Variants in FRMPD2 observed in about 807,000 individuals in gnomAD.
The protein encoded by FRMPD2 is FERM and PDZ domain-containing protein 2.
Under a neutral mutation model 140.1 loss-of-function variants are expected in FRMPD2, and 96 were observed. The ratio of observed to expected loss-of-function variants is 0.69; its 90% confidence interval spans 0.58 to 0.81. The LOEUF is 0.81. FRMPD2 is among the 40% of genes least tolerant of loss of function. The pLI is 0.00. For synonymous variants in FRMPD2, 449 were observed against 547.6 expected, an observed-to-expected ratio of 0.82 and a Z score of 2.52; for missense variants, 1,240 against 1,447.4, an observed-to-expected ratio of 0.86 and a Z score of 2.32.
chr10:48,251,691 C>T lies in FRMPD2; in HGVS notation c.26G>A (p.Gly9Asp), dbSNP rs1466665166. The change falls in exon 2 of 29, where the codon GGC (glycine) becomes GAC (aspartate). Residue 9 changes from glycine to aspartate, a missense_variant and splice_region_variant. This residue lies in a region of FRMPD2 where 1,161 missense variants were observed against 1,055.9 expected (regional missense o/e 1.10). Coordinates refer to ENST00000374201, the MANE Select transcript of FRMPD2 (RefSeq NM_001018071.4). MQPLTKDA[G>D]MSLSSVTLAS... ...CAGCGTCACAGAGGACAGGCTCATG[C>T]CTACAATAAAGACATGCATGTGACA... 1.9e-6 allele frequency: 3 copies of T among 1,614,040 alleles called. No homozygotes were observed. Among genetic ancestry groups the T allele is most frequent in the East Asian group, 4.5e-5 (2 of 44,896 alleles).
intron 9 of FRMPD2, among the ~76,000 whole-genome samples, chr10:48,233,553 C>T (rs74759569): frequency 0.014 from 2,146 of 152,232 alleles, 48 homozygotes; most frequent in African/African-American, 0.047. Flanking sequence ...AGTGATGAAT[C>T]GTATGCCCAT....
At chr10:48,227,235 G>GT (rs1325702441) in intron 10 of FRMPD2, among the ~76,000 whole-genome samples, 1 of 151,052 alleles carries the variant, frequency 6.6e-6, no homozygotes, top group Non-Finnish European at 1.5e-5. Context: ...CTTTTTTTTT[G>GT]TTTTTTAATC....
chr10:48,268,354 T>C (rs1348184789), intron 1 of FRMPD2, among the ~76,000 whole-genome samples: 1 of 152,192 alleles, frequency 6.6e-6, no homozygotes, highest in Non-Finnish European at 1.5e-5. Flanking sequence ...AAACTAAACA[T>C]ACTCTTACTA....
intron 13 of FRMPD2, among the ~76,000 whole-genome samples, chr10:48,209,086 G>A (rs1039713975): frequency 6.6e-5 from 10 of 152,156 alleles, no homozygotes; most frequent in African/African-American, 2.2e-4. Context: ...GCTCCTGGCA[G>A]TAAACGATTT....
chr10:48,196,088 T>C (rs986277716), intron 15 of FRMPD2, among the ~76,000 whole-genome samples: 1 of 151,324 alleles, frequency 6.6e-6, no homozygotes, highest in Non-Finnish European at 1.5e-5. Flanking sequence ...AGGAAGGAGT[T>C]AGGAACGTGC....
chr10:48,274,726 A>G, upstream of FRMPD2: 1 of 677,424 alleles, frequency 1.5e-6, no homozygotes, highest in Non-Finnish European at 2.7e-6. Flanking sequence ...CTGCCCAGCG[A>G]GTGAGTCAAC....
At chr10:48,261,311 T>C (rs1207446515) in intron 1 of FRMPD2, among the ~76,000 whole-genome samples, 1 of 149,938 alleles carries the variant, frequency 6.7e-6, no homozygotes, top group East Asian at 2.0e-4. Context: ...TCAAGCAAGA[T>C]AAATAAAAAA....
At chr10:48,196,351 C>T (rs1038051853) in intron 15 of FRMPD2, among the ~76,000 whole-genome samples, 6 of 152,158 alleles carry the variant, frequency 3.9e-5, no homozygotes, top group African/African-American at 1.2e-4. Flanking sequence ...AGGATTGGTC[C>T]TTTTGAAAGG....
chr10:48,248,677 G>C (rs775769004), intron 3 of FRMPD2: 22 of 164,802 alleles, frequency 1.3e-4, no homozygotes, highest in South Asian at 2.0e-4. Context: ...GTCATTTTGA[G>C]GTGTCTTGCT....
At chr10:48,208,615 T>C (rs1269564673) in intron 13 of FRMPD2, among the ~76,000 whole-genome samples, 1 of 152,224 alleles carries the variant, frequency 6.6e-6, no homozygotes, top group Non-Finnish European at 1.5e-5. Flanking sequence ...CCTGGAAACA[T>C]AGGTGAATAC....
At position 48,206,935 on chromosome 10, in the gene FRMPD2, T is replaced by C; in HGVS notation, c.1612-2A>G. The C allele has an allele frequency of 6.2e-7, 1 of 1,613,226 alleles. No homozygotes were observed. Among genetic ancestry groups the C allele is most frequent in the South Asian group, 1.1e-5 (1 of 91,004 alleles). Reference sequence around the variant, plus strand: ...GTATTCTGGGAGCTGCTGAGTGACCTGGAGCAGAAAAAGGCTGATTTAGAA... The same window carrying C: ...GTATTCTGGGAGCTGCTGAGTGACCCGGAGCAGAAAAAGGCTGATTTAGAA... On this transcript the variant is annotated splice_acceptor_variant, in intron 13 of 28. Coordinates refer to ENST00000374201, the MANE Select transcript of FRMPD2 (RefSeq NM_001018071.4). LOFTEE classifies it high-confidence loss of function.
chr10:48,267,156 C>A (rs943765872), intron 1 of FRMPD2, among the ~76,000 whole-genome samples: 1 of 152,112 alleles, frequency 6.6e-6, no homozygotes, highest in Non-Finnish European at 1.5e-5. Flanking sequence ...TGGATTCAGT[C>A]GCTATTGCTC....
chr10:48,161,379 T>C (rs1244335134), intron 28 of FRMPD2, among the ~76,000 whole-genome samples: 1 of 150,898 alleles, frequency 6.6e-6, no homozygotes, highest in African/African-American at 2.5e-5. Context: ...AATGTGATGT[T>C]TGATGCAAAA....
intron 1 of FRMPD2, among the ~76,000 whole-genome samples, chr10:48,253,919 C>G (rs955797735): frequency 3.3e-5 from 5 of 152,052 alleles, no homozygotes; most frequent in South Asian, 2.1e-4. Flanking sequence ...AATCAAGCAC[C>G]CTTCTTTTTG....
At chr10:48,222,063 T>G (rs1043279055) in intron 12 of FRMPD2, among the ~76,000 whole-genome samples, 2 of 151,110 alleles carry the variant, frequency 1.3e-5, no homozygotes, top group African/African-American at 4.9e-5. Flanking sequence ...GGTGGATGGA[T>G]GGATGGATGG....
At chr10:48,210,220 T>C (rs575206544) in intron 13 of FRMPD2, among the ~76,000 whole-genome samples, 35 of 152,310 alleles carry the variant, frequency 2.3e-4, no homozygotes, top group African/African-American at 7.9e-4. Flanking sequence ...TTTATCTCTC[T>C]GTACCACAGG....
At chr10:48,194,277 A>G (rs540203421) in intron 15 of FRMPD2, among the ~76,000 whole-genome samples, 2 of 152,296 alleles carry the variant, frequency 1.3e-5, no homozygotes, top group South Asian at 4.1e-4. Flanking sequence ...TTATTTGCTC[A>G]TGGTCCCAAA....
chr10:48,231,705 A>G (rs1044486164), intron 10 of FRMPD2, among the ~76,000 whole-genome samples: 3 of 152,252 alleles, frequency 2.0e-5, no homozygotes, highest in South Asian at 2.1e-4. Flanking sequence ...ATAGAACGTC[A>G]GAGAGGGAAG....
At chr10:48,257,149 C>T (rs1015766468) in intron 1 of FRMPD2, among the ~76,000 whole-genome samples, 3 of 151,770 alleles carry the variant, frequency 2.0e-5, no homozygotes, top group Non-Finnish European at 2.9e-5. Context: ...GTGGTCACAT[C>T]GCCTTCTCCT....
Sources: gnomAD v4.1 joint callset for allele counts (sites outside exome capture counted in the v4.1 genomes callset) on GRCh38, gnomAD v4.1.1 for gene constraint, gnomAD v4.1.1 regional missense constraint, MANE v1.5 for transcripts, NCBI Gene and HGNC (gene_info 2026-07-23, HGNC 2026-07-21) for gene names.